The following TNIP3 variants were observed in gnomAD, a reference collection of about 807,000 sequenced individuals.
The protein encoded by TNIP3 is TNFAIP3 interacting protein 3.
Under a neutral mutation model 54.1 loss-of-function variants are expected in TNIP3, and 34 were observed. The observed-to-expected ratio is 0.63, with a 90% CI of 0.48 to 0.84. TNIP3 has a LOEUF of 0.84. Ranked by LOEUF, TNIP3 falls within the 40% of genes least tolerant of loss-of-function variation. The probability of loss-of-function intolerance (pLI) is 0.00; values close to 1 mark genes in which losing one functional copy is unlikely to be tolerated. For synonymous variants in TNIP3, 134 were observed against 136.8 expected (o/e 0.98, Z 0.14); for missense variants, 366 against 387.6 (o/e 0.94, Z 0.47).
upstream of TNIP3, among the ~76,000 whole-genome samples, chr4:121,218,514 T>TTTCC (rs539104056): frequency 2.0e-5 from 3 of 151,440 alleles, no homozygotes; most frequent in African/African-American, 7.3e-5. Flanking sequence ...AATAGTTTAT[T>TTTCC]TTCCTTCCTT....
At position 121,142,019 on chromosome 4, in the gene TNIP3, T is replaced by C. The variant is rs534977116; in HGVS notation, c.787-105A>G. On this transcript the variant is annotated intron_variant, in intron 8 of 10. Transcript: ENST00000057513. ...TTGGTTTCAATCTTAAGGTTCCACTTAATCTGGCATAATTATAACTCAAAA... is the reference window on the plus strand; with the variant it reads ...TTGGTTTCAATCTTAAGGTTCCACTCAATCTGGCATAATTATAACTCAAAA... 4 of 605,628 alleles carry C rather than the reference T, an allele frequency of 6.6e-6. No homozygotes were observed. In the Admixed American group the frequency reaches 1.5e-4, roughly 23 times the overall value. The allele number at this position is 605,628 out of a possible 1,614,324, so 37.5% of individuals were successfully genotyped here.
At chr4:121,198,215 C>T (rs190308146) in intron 2 of TNIP3, among the ~76,000 whole-genome samples, 11 of 150,956 alleles carry the variant, frequency 7.3e-5, no homozygotes, top group Admixed American at 5.3e-4. Flanking sequence ...CTTTTCAAAC[C>T]AAAATGCTAA....
intron 2 of TNIP3, among the ~76,000 whole-genome samples, chr4:121,204,236 C>T (rs966525147): frequency 6.6e-6 from 1 of 152,136 alleles, no homozygotes. Context: ...CCAATCTATT[C>T]AAAGTCACCC....
At chr4:121,183,433 G>A (rs1724828775) in intron 2 of TNIP3, among the ~76,000 whole-genome samples, 1 of 152,176 alleles carries the variant, frequency 6.6e-6, no homozygotes, top group Non-Finnish European at 1.5e-5. Flanking sequence ...TAGTCACATG[G>A]CCATTAGCTG....
At chr4:121,201,702 T>G (rs1288544855) in intron 2 of TNIP3, among the ~76,000 whole-genome samples, 1 of 152,212 alleles carries the variant, frequency 6.6e-6, no homozygotes, top group Admixed American at 6.5e-5. Context: ...GGGCAATTAC[T>G]TAGCTCATTC....
chr4:121,199,739 A>G (rs1364674407), intron 2 of TNIP3, among the ~76,000 whole-genome samples: 1 of 152,230 alleles, frequency 6.6e-6, no homozygotes, highest in African/African-American at 2.4e-5. Flanking sequence ...GAATAGAGGC[A>G]TCATTCTTTT....
intron 2 of TNIP3, among the ~76,000 whole-genome samples, chr4:121,196,852 A>T (rs1387753728): frequency 6.6e-6 from 1 of 152,098 alleles, no homozygotes; most frequent in Non-Finnish European, 1.5e-5. Context: ...ACGTATTTTT[A>T]AAATTGAGAT....
chr4:121,171,160 A>T (rs1046915068), intron 3 of TNIP3, among the ~76,000 whole-genome samples: 7 of 152,182 alleles, frequency 4.6e-5, no homozygotes. Context: ...ATAGAATAAA[A>T]AGAGGAGAAC....
chr4:121,187,788 TG>T (rs1430905983), intron 2 of TNIP3, among the ~76,000 whole-genome samples: 4 of 152,222 alleles, frequency 2.6e-5, no homozygotes, highest in African/African-American at 9.6e-5. Context: ...GAATAATATG[TG>T]TGCTATGTGT....
At chr4:121,176,707 G>T (rs1486933733) in intron 3 of TNIP3, among the ~76,000 whole-genome samples, 1 of 137,396 alleles carries the variant, frequency 7.3e-6, no homozygotes, top group Non-Finnish European at 1.6e-5. Flanking sequence ...AGGAAAGCCA[G>T]ATTTTTTTTT....
chr4:121,224,020 G>A (rs1487633782), intron 1 of TNIP3, among the ~76,000 whole-genome samples: 1 of 152,166 alleles, frequency 6.6e-6, no homozygotes, highest in Non-Finnish European at 1.5e-5. Flanking sequence ...ATAAATGGAA[G>A]ACTGTTCAAT....
chr4:121,141,515 T>C (rs1357978699), intron 9 of TNIP3, among the ~76,000 whole-genome samples: 1 of 152,224 alleles, frequency 6.6e-6, no homozygotes, highest in African/African-American at 2.4e-5. Flanking sequence ...AAATACACTT[T>C]ATACAGAAAA....
intron 2 of TNIP3, among the ~76,000 whole-genome samples, chr4:121,198,626 G>T (rs1474511620): frequency 6.6e-6 from 1 of 152,074 alleles, no homozygotes; most frequent in Non-Finnish European, 1.5e-5. Context: ...GCATTATTTT[G>T]CCTCTAAACA....
intron 1 of TNIP3, among the ~76,000 whole-genome samples, chr4:121,222,588 T>G (rs969855368): frequency 6.6e-6 from 1 of 152,188 alleles, no homozygotes. Flanking sequence ...TCAATTGCAC[T>G]ATAAGGTGAC....
upstream of TNIP3, among the ~76,000 whole-genome samples, chr4:121,168,187 T>G (rs1322342249): frequency 6.6e-6 from 1 of 152,044 alleles, no homozygotes; most frequent in Non-Finnish European, 1.5e-5. Context: ...CAAGGTGAAA[T>G]AAACTTACCA....
intron 2 of TNIP3, among the ~76,000 whole-genome samples, chr4:121,214,119 G>A (rs1364873419): frequency 6.6e-6 from 1 of 152,152 alleles, no homozygotes; most frequent in Non-Finnish European, 1.5e-5. Context: ...TGACTCAGGT[G>A]CTCACTATTC....
At position 121,132,531 on chromosome 4, in the gene TNIP3, T is replaced by C. The variant is rs1728531806; in HGVS notation, c.*100A>G. ...CAGGCACAAATAACAGGGTAGATGA[T>C]GTGCCTTTGTGGCAGAAACAAGCCT... On this transcript the variant is annotated 3_prime_UTR_variant, in exon 11 of 11. Transcript: ENST00000057513. The C allele has an allele frequency of 8.9e-7, 1 of 1,117,458 alleles. No homozygotes were observed. Among genetic ancestry groups the C allele is most frequent in the Non-Finnish European group, 1.3e-6 (1 of 741,100 alleles). 69.2% of individuals were successfully genotyped at this position (1,117,458 alleles called of 1,614,324 possible).
intron 10 of TNIP3, among the ~76,000 whole-genome samples, chr4:121,133,691 A>G (rs866426900): frequency 8.5e-5 from 13 of 152,202 alleles, no homozygotes; most frequent in African/African-American, 2.9e-4. Flanking sequence ...GGAAATCTGA[A>G]CAAAAACAAA....
chr4:121,201,615 C>T (rs1725891166), intron 2 of TNIP3, among the ~76,000 whole-genome samples: 1 of 152,104 alleles, frequency 6.6e-6, no homozygotes. Flanking sequence ...TTCTCCCAGG[C>T]TTGTGTCATG....
Sources: allele counts gnomAD v4.1 joint callset (sites outside exome capture counted in the v4.1 genomes callset), GRCh38; gene constraint gnomAD v4.1.1; transcripts MANE v1.5; gene names NCBI Gene and HGNC (gene_info 2026-07-23, HGNC 2026-07-21).